MYH13: variants seen among roughly 807,000 people sequenced by gnomAD.
MYH13 encodes myosin-13.
In MYH13, 177 loss-of-function variants were observed where a neutral mutation model predicts 232.1. That is an observed-to-expected ratio of 0.76 (90% CI 0.67 to 0.86). The LOEUF is 0.86. Ranked by LOEUF, MYH13 falls within the 40% of genes least tolerant of loss-of-function variation. The pLI is 0.00. For missense variants in MYH13, 2,246 were observed against 2,405.9 expected (o/e 0.93, Z 1.39); for synonymous variants, 884 against 923.5 (o/e 0.96, Z 0.78).
chr17:10,348,056 G>T (rs2071680709), intron 12 of MYH13, among the ~76,000 whole-genome samples: 1 of 152,084 alleles, frequency 6.6e-6, no homozygotes, highest in African/African-American at 2.4e-5. Context: ...ATTGCTGGGT[G>T]GGGAGATGAG....
intron 7 of MYH13, 48 bp from the exon 8 acceptor site, chr17:10,357,875 A>C: frequency 6.5e-7 from 1 of 1,545,766 alleles, no homozygotes; most frequent in Non-Finnish European, 8.9e-7. Flanking sequence ...ATGGTTTTCT[A>C]AAGTAGCCCC....
intron 27 of MYH13, among the ~76,000 whole-genome samples, chr17:10,316,969 C>T (rs1223416600): frequency 1.3e-5 from 2 of 152,138 alleles, no homozygotes; most frequent in East Asian, 1.9e-4. Context: ...GAAGATGACA[C>T]GCAAACATGA....
In MYH13 at chr17:10,340,242, G is replaced by C. The variant is rs776059506; in HGVS notation, c.1969-5C>G. 2 of 1,613,774 alleles carry C rather than the reference G, an allele frequency of 1.2e-6. No homozygotes were observed. The highest frequency in any genetic ancestry group is 1.7e-6 in the Non-Finnish European group (2 of 1,179,764). ...CATCAATTTGTTTAAATTTTCCTGG[G>C]ACATAAACCAAAACAAGCACATTTA... On this transcript the variant is annotated splice_region_variant and splice_polypyrimidine_tract_variant and intron_variant, in intron 17 of 40. Transcript: ENST00000252172.
At position 10,320,116 on chromosome 17, in the gene MYH13, G is replaced by A. The variant is rs1440083434; in HGVS notation, c.3348+37C>T. The stretch of plus-strand genomic sequence containing the variant: ...GAGTGAGGAGGGGCGCTCTTGCAAA[G>A]GGATTGTCATGATTGGGAAGGTTTT... On this transcript the variant is annotated intron_variant, in intron 26 of 40. Transcript: ENST00000252172. 2.7e-6 allele frequency: 4 copies of A among 1,502,648 alleles called. No individual in the cohort carries two copies. The East Asian group carries it at 9.6e-5, about 36-fold the overall frequency. 93.1% of individuals were successfully genotyped at this position (1,502,648 alleles called of 1,614,324 possible). A position where few individuals can be genotyped will look rare whatever the true frequency, so the allele number is the denominator to read the frequency against.
Position 10,366,381 on chromosome 17 carries a change from GT to G in MYH13, c.-12-1840del, listed in dbSNP as rs56798899. ...CATATCTCTCTTAAGAAATAAATCT[GT>G]TTTTTTTTTTTTTTTTGAGATGGAG... On this transcript the variant is annotated intron_variant, in intron 2 of 40. Transcript: ENST00000252172. 3.4e-3 allele frequency among the ~76,000 whole-genome samples: 382 copies of G among 112,582 alleles called. 9 individuals carry two copies. The highest frequency in any genetic ancestry group is 7.5e-3 in the South Asian group (28 of 3,716). The allele number at this position is 112,582 out of a possible 152,430, so 73.9% of individuals were successfully genotyped here. A position where few individuals can be genotyped will look rare whatever the true frequency, so the allele number is the denominator to read the frequency against.
At chr17:10,350,271 A>G (rs1386862438) in intron 12 of MYH13, among the ~76,000 whole-genome samples, 2 of 151,974 alleles carry the variant, frequency 1.3e-5, no homozygotes, top group Non-Finnish European at 2.9e-5. Context: ...AGTCCACCTT[A>G]AAAAAAACAG....
intron 21 of MYH13, among the ~76,000 whole-genome samples, chr17:10,329,240 A>C (rs528722431): frequency 6.6e-6 from 1 of 152,288 alleles, no homozygotes; most frequent in East Asian, 1.9e-4. Flanking sequence ...TCAGGGAACC[A>C]GGGAGAACAG....
chr17:10,345,070 C>T, intron 15 of MYH13, 132 bp downstream of exon 15: 6 of 1,368,844 alleles, frequency 4.4e-6, no homozygotes, highest in Middle Eastern at 1.8e-4. Context: ...TGCAAATAGG[C>T]ATTCAGTTAT....
At chr17:10,344,228 G>C (rs550175631) in intron 15 of MYH13, 119 bp from the exon 16 acceptor site, 1 of 1,400,778 alleles carries the variant, frequency 7.1e-7, no homozygotes. Flanking sequence ...TGGCATGTAC[G>C]CTCGGTGAGA....
In MYH13 at chr17:10,364,308, A is replaced by G; in HGVS notation, c.204+19T>C. Reference sequence around the variant, plus strand: ...TGAGCATGCCCATATTATCAAAGACATCTGTAATCAACACTCACCCGGTCA... The same window carrying G: ...TGAGCATGCCCATATTATCAAAGACGTCTGTAATCAACACTCACCCGGTCA... On this transcript the variant is annotated intron_variant, in intron 3 of 40. Coordinates refer to ENST00000252172, the MANE Select transcript of MYH13 (RefSeq NM_003802.3). 2.5e-6 allele frequency: 4 copies of G among 1,604,152 alleles called. No homozygotes were observed. The highest frequency in any genetic ancestry group is 1.1e-5 in the South Asian group (1 of 90,322).
intron 1 of MYH13, among the ~76,000 whole-genome samples, chr17:10,372,368 G>A (rs904442540): frequency 3.3e-5 from 5 of 152,144 alleles, no homozygotes; most frequent in Non-Finnish European, 4.4e-5. Flanking sequence ...ACAGTTCTCC[G>A]TAGAGATGGT....
At chr17:10,311,026 C>G in intron 33 of MYH13, 77 bp downstream of exon 33, 1 of 1,577,438 alleles carries the variant, frequency 6.3e-7, no homozygotes, top group Non-Finnish European at 8.6e-7. Context: ...AGGAAAGGCC[C>G]CATGGGGTGG....
chr17:10,321,387 C>T, intron 24 of MYH13, 145 bp downstream of exon 24: 1 of 763,256 alleles, frequency 1.3e-6, no homozygotes, highest in South Asian at 2.2e-5. Context: ...CAGACTCCTT[C>T]AGGGTCAGGG....
chr17:10,362,221 C>T lies in MYH13; in HGVS notation c.402G>A (p.Val134=), dbSNP rs1180897041. The T allele has an allele frequency of 1.2e-6, 2 of 1,613,846 alleles. No individual in the cohort carries two copies. Among genetic ancestry groups the T allele is most frequent in the South Asian group, 2.2e-5 (2 of 91,070 alleles). The change falls in exon 5 of 41, where the codon GTG becomes GTA. Residue 134 remains valine, a synonymous_variant. Coordinates refer to ENST00000252172, the MANE Select transcript of MYH13 (RefSeq NM_003802.3). ...AGGCAGCCACCACCTCGGGCTTGTACACCGGCAGCCACTTGTAGGGGTTGA... is the reference window on the plus strand; with the variant it reads ...AGGCAGCCACCACCTCGGGCTTGTATACCGGCAGCCACTTGTAGGGGTTGA... ...VTVNPYKWLP[V]YKPEVVAAYR... is the part of the protein sequence containing the mutation.
intron 12 of MYH13, among the ~76,000 whole-genome samples, chr17:10,347,121 G>C (rs182954315): frequency 6.6e-6 from 1 of 152,320 alleles, no homozygotes; most frequent in Non-Finnish European, 1.5e-5. Context: ...TGTAATCCCA[G>C]CGTTTTGGGA....
Position 10,306,529 on chromosome 17 carries a change from T to G in MYH13, c.5396A>C (p.His1799Pro). The change falls in exon 37 of 41, where the codon CAC becomes CCC. Residue 1799 changes from histidine (H) to proline (P), a missense_variant. Physicochemically the swap from His to Pro is moderately conservative, Grantham distance 77. Transcript: ENST00000252172. The surrounding 1 kb of genome is among the most constrained non-coding windows in gnomAD (Gnocchi z 4.3). ...CAGTTGTTCAGCCTCATCTAGACGG[T>G]GCTGCAGGTCCTTCACCGTCTGCTC... is the stretch of plus-strand genomic sequence containing the variant. ...NLEQTVKDLQ[H>P]RLDEAEQLAL... is the part of the protein sequence containing the mutation. 1 of 1,614,134 alleles carries G rather than the reference T, an allele frequency of 6.2e-7. No homozygotes were observed. Among genetic ancestry groups the G allele is most frequent in the African/African-American group, 1.3e-5 (1 of 75,028 alleles).
chr17:10,322,912 C>T (rs747929729), intron 23 of MYH13, among the ~76,000 whole-genome samples: 32 of 152,132 alleles, frequency 2.1e-4, no homozygotes, highest in Non-Finnish European at 3.5e-4. Context: ...GGATTACAGG[C>T]ATAAGCCACC....
intron 18 of MYH13, among the ~76,000 whole-genome samples, chr17:10,334,278 C>T (rs1397644342): frequency 2.6e-5 from 4 of 152,066 alleles, no homozygotes; most frequent in Non-Finnish European, 5.9e-5. Flanking sequence ...TCTAGAATGC[C>T]CACGTGGTTC....
At chr17:10,320,733 A>C (rs900016613) in intron 24 of MYH13, among the ~76,000 whole-genome samples, 8 of 152,146 alleles carry the variant, frequency 5.3e-5, no homozygotes, top group Non-Finnish European at 1.2e-4. Context: ...TGCCTCTCTC[A>C]GCTGATTCCC....
Sources: gnomAD v4.1 joint callset for allele counts (sites outside exome capture counted in the v4.1 genomes callset) on GRCh38, gnomAD v4.1.1 for gene constraint, Gnocchi (gnomAD v3.1) non-coding constraint, MANE v1.5 for transcripts, NCBI Gene and HGNC (gene_info 2026-07-23, HGNC 2026-07-21) for gene names.